ULK4: variants seen among roughly 807,000 people sequenced by gnomAD.
ULK4 encodes inactive serine/threonine-protein kinase ULK4.
In ULK4, 133 loss-of-function variants were observed where a neutral mutation model predicts 160.6. That is an observed-to-expected ratio of 0.83 (90% CI 0.72 to 0.96). The LOEUF is 0.96. ULK4 is among the 40% of genes least tolerant of loss of function. The probability of loss-of-function intolerance (pLI) is 0.00; values close to 1 mark genes in which losing one functional copy is unlikely to be tolerated. For synonymous variants in ULK4, 534 were observed against 539.8 expected (o/e 0.99, Z 0.15); for missense variants, 1,580 against 1,499.5 (o/e 1.05, Z -0.89).
intron 32 of ULK4, among the ~76,000 whole-genome samples, chr3:41,508,316 T>G (rs2085463023): frequency 6.6e-6 from 1 of 152,110 alleles, no homozygotes; most frequent in Non-Finnish European, 1.5e-5. Flanking sequence ...CAGACATGCC[T>G]ATACCTGCCT....
chr3:41,681,136 A>G (rs2035909320), intron 29 of ULK4, among the ~76,000 whole-genome samples: 1 of 152,094 alleles, frequency 6.6e-6, no homozygotes, highest in African/African-American at 2.4e-5. Flanking sequence ...CTCTATCTCT[A>G]TTATTTCTGA....
chr3:41,732,199 G>A (rs1487985237), intron 22 of ULK4, among the ~76,000 whole-genome samples: 1 of 151,970 alleles, frequency 6.6e-6, no homozygotes, highest in African/African-American at 2.4e-5. Flanking sequence ...TACAGAATGG[G>A]AGAAAATATT....
chr3:41,262,633 G>A (rs530737721), intron 35 of ULK4, among the ~76,000 whole-genome samples: 1 of 152,122 alleles, frequency 6.6e-6, no homozygotes, highest in Non-Finnish European at 1.5e-5. Flanking sequence ...AACATGCGGA[G>A]GATTTGAATG....
intron 17 of ULK4, among the ~76,000 whole-genome samples, chr3:41,866,081 C>G (rs1055659391): frequency 4.7e-5 from 6 of 128,684 alleles, no homozygotes; most frequent in Non-Finnish European, 9.1e-5. Flanking sequence ...CAAGAACAGA[C>G]AGATGATAGG....
chr3:41,854,105 CCTTTCCT>C (rs1452919306), intron 17 of ULK4: 3 of 152,220 alleles, frequency 2.0e-5, no homozygotes, highest in Admixed American at 2.0e-4. Flanking sequence ...AAGAAATCAA[CCTTTCCT>C]CTTCAAATTT....
intron 35 of ULK4, among the ~76,000 whole-genome samples, chr3:41,327,083 A>T (rs186631045): frequency 1.3e-5 from 2 of 152,342 alleles, no homozygotes; most frequent in African/African-American, 4.8e-5. Flanking sequence ...AGATCAGCAT[A>T]GAATTTTTGC....
chr3:41,830,871 T>C (rs1286222092), intron 18 of ULK4, among the ~76,000 whole-genome samples: 1 of 151,924 alleles, frequency 6.6e-6, no homozygotes, highest in East Asian at 1.9e-4. Flanking sequence ...TGAGCCTTGA[T>C]GTCAAGGCCT....
rs538362482 is a variant in ULK4 at position 41,574,137 on chromosome 3, C to A, written c.3121-8007G>T. Among the ~76,000 whole-genome samples the A allele has an allele frequency of 3.3e-5, 5 of 152,248 alleles. 1 individual carries two copies. Among genetic ancestry groups the A allele is most frequent in the African/African-American group, 1.2e-4 (5 of 41,548 alleles). On this transcript the variant is annotated intron_variant, in intron 31 of 36. Transcript: ENST00000301831. ...GAGGTTGCCGTGAGCCGAGATTGAG[C>A]CATTGCACTGCAGCCTGGGCAACAA...
rs78103542 is a variant in ULK4 at position 41,248,362 on chromosome 3, G to A, written c.3764+1127C>T. On this transcript the variant is annotated intron_variant, in intron 36 of 36. Coordinates refer to ENST00000301831, the MANE Select transcript of ULK4 (RefSeq NM_017886.4). ...CACTGTTCACACCTTACATGGCAGG[G>A]GCTCAGCAAGGTGTGAAGGGGCTTT... Among the ~76,000 whole-genome samples the A allele has an allele frequency of 2.8e-4, 42 of 152,258 alleles. No homozygotes were observed. In the East Asian group the frequency reaches 6.0e-3, roughly 22 times the overall value.
intron 35 of ULK4, among the ~76,000 whole-genome samples, chr3:41,296,330 G>C (rs1472722183): frequency 6.6e-6 from 1 of 152,076 alleles, no homozygotes; most frequent in East Asian, 1.9e-4. Context: ...AAAGAAAAAG[G>C]GCTCCTGGAA....
At chr3:41,885,658 G>T (rs73083326) in intron 16 of ULK4, among the ~76,000 whole-genome samples, 18,819 of 151,950 alleles carry the variant, frequency 0.12, 1,323 homozygotes, top group Middle Eastern at 0.27. Context: ...TATGACAGAT[G>T]CAAGTAAGGA....
chr3:41,663,928 C>A (rs1372104101), intron 29 of ULK4, among the ~76,000 whole-genome samples: 1 of 152,098 alleles, frequency 6.6e-6, no homozygotes, highest in South Asian at 2.1e-4. Context: ...AAAGGAAAAA[C>A]AACTCAGTAG....
At chr3:41,715,366 T>C in intron 24 of ULK4, 73 bp from the exon 25 acceptor site, 2 of 1,609,674 alleles carry the variant, frequency 1.2e-6, no homozygotes, top group Admixed American at 1.7e-5. Context: ...AAAAAAAATG[T>C]TTTGAGTTGA....
intron 25 of ULK4, among the ~76,000 whole-genome samples, chr3:41,706,598 C>T (rs1425281561): frequency 4.6e-5 from 7 of 150,790 alleles, no homozygotes; most frequent in South Asian, 4.2e-4. Context: ...GAGGCCAAGG[C>T]GGGCAGATTA....
intron 32 of ULK4, among the ~76,000 whole-genome samples, chr3:41,490,410 C>T (rs2084709135): frequency 6.6e-6 from 1 of 152,152 alleles, no homozygotes; most frequent in Non-Finnish European, 1.5e-5. Context: ...TCATTCGCTC[C>T]TGCCTCTGTG....
intron 30 of ULK4, among the ~76,000 whole-genome samples, chr3:41,661,034 T>G: frequency 6.6e-6 from 1 of 152,324 alleles, no homozygotes; most frequent in East Asian, 1.9e-4. Flanking sequence ...ATTTTTAAAA[T>G]TATTTGCCTT....
chr3:41,796,564 C>G (rs957778377), intron 20 of ULK4, among the ~76,000 whole-genome samples: 4 of 151,568 alleles, frequency 2.6e-5, no homozygotes, highest in African/African-American at 9.7e-5. Flanking sequence ...TGTACTCCAG[C>G]CTGGGCAACA....
chr3:41,379,072 G>C (rs567390184), intron 35 of ULK4, among the ~76,000 whole-genome samples: 27 of 152,118 alleles, frequency 1.8e-4, no homozygotes, highest in African/African-American at 6.5e-4. Flanking sequence ...GGAAGCAAGG[G>C]GAGGGCTGGC....
At chr3:41,790,391 C>T (rs910500832) in intron 20 of ULK4, among the ~76,000 whole-genome samples, 2 of 152,154 alleles carry the variant, frequency 1.3e-5, no homozygotes, top group African/African-American at 4.8e-5. Context: ...GAAATTAAAC[C>T]GATATAATCA....
Sources: allele counts gnomAD v4.1 joint callset (sites outside exome capture counted in the v4.1 genomes callset), GRCh38; gene constraint gnomAD v4.1.1; transcripts MANE v1.5; gene names NCBI Gene and HGNC (gene_info 2026-07-23, HGNC 2026-07-21).